Variants in PLD5 observed in about 807,000 individuals in gnomAD.
The protein encoded by PLD5 is inactive phospholipase D5.
A neutral mutation model predicts 61.1 loss-of-function variants in PLD5; 36 were observed. That is an observed-to-expected ratio of 0.59 (90% CI 0.45 to 0.78). The LOEUF (loss-of-function observed/expected upper bound fraction) is 0.78, where lower values mean the gene tolerates loss of function less well. Ranked by LOEUF, PLD5 falls within the 30% of genes least tolerant of loss-of-function variation. The pLI, the probability that PLD5 is intolerant of heterozygous loss-of-function variation, is 0.00. For synonymous variants in PLD5, 243 were observed against 242.8 expected (o/e 1.00, Z -0.01); for missense variants, 515 against 644.4 (o/e 0.80, Z 2.17).
chr1:242,146,644 T>C (rs762356463), intron 5 of PLD5, among the ~76,000 whole-genome samples: 4 of 152,170 alleles, frequency 2.6e-5, no homozygotes, highest in Non-Finnish European at 5.9e-5. Context: ...GTTATTTTTA[T>C]GACTCAGAAA....
chr1:242,510,714 A>G (rs1572269135), intron 1 of PLD5, among the ~76,000 whole-genome samples: 1 of 151,844 alleles, frequency 6.6e-6, no homozygotes, highest in Non-Finnish European at 1.5e-5. Context: ...GCGGGGTGGC[A>G]GGCGCCTGTA....
At chr1:242,106,208 A>T (rs1021897592) in intron 8 of PLD5, among the ~76,000 whole-genome samples, 5 of 152,140 alleles carry the variant, frequency 3.3e-5, no homozygotes, top group South Asian at 2.1e-4. Flanking sequence ...GGTAACATTA[A>T]CCTGATGTTA....
At chr1:242,302,953 TG>T (rs1676146488) in intron 2 of PLD5, among the ~76,000 whole-genome samples, 1 of 152,132 alleles carries the variant, frequency 6.6e-6, no homozygotes, top group Non-Finnish European at 1.5e-5. Context: ...AGTCTGGACA[TG>T]GGTTGGGATT....
At chr1:242,386,302 G>A (rs1662598539) in intron 1 of PLD5, among the ~76,000 whole-genome samples, 1 of 152,122 alleles carries the variant, frequency 6.6e-6, no homozygotes, top group South Asian at 2.1e-4. Flanking sequence ...TTACCTTAGA[G>A]GTGACTTGCT....
rs189856985 is a variant in PLD5, at chr1:242,324,439, C to T, written c.326+23667G>A. On this transcript the variant is annotated intron_variant, in intron 2 of 9. Coordinates refer to ENST00000536534, the MANE Select transcript of PLD5 (RefSeq NM_001372062.1). Reference sequence around the variant, plus strand: ...ATCACCTTTGCAAAAATTGTGACAGCGAAAGAAATATGACCTAACCGACTC... The same window carrying T: ...ATCACCTTTGCAAAAATTGTGACAGTGAAAGAAATATGACCTAACCGACTC... Among the ~76,000 whole-genome samples, 1,042 of 152,238 alleles carry T rather than the reference C, an allele frequency of 6.8e-3. 7 individuals carry two copies. Among genetic ancestry groups the T allele is most frequent in the Non-Finnish European group, 0.011 (726 of 68,018 alleles).
chr1:242,104,736 G>A (rs1390045871), intron 8 of PLD5, among the ~76,000 whole-genome samples: 1 of 152,160 alleles, frequency 6.6e-6, no homozygotes, highest in Non-Finnish European at 1.5e-5. Context: ...GCCCAGGCAG[G>A]TCTTGAACTT....
chr1:242,199,652 C>G (rs1346680104), intron 5 of PLD5, among the ~76,000 whole-genome samples: 1 of 152,290 alleles, frequency 6.6e-6, no homozygotes, highest in East Asian at 1.9e-4. Flanking sequence ...ACCCACCAAA[C>G]AACTACCCAC....
intron 1 of PLD5, among the ~76,000 whole-genome samples, chr1:242,395,063 ATATATATGAATATATATG>A (rs1379080762): frequency 4.2e-5 from 2 of 48,044 alleles, no homozygotes; most frequent in Admixed American, 5.6e-4. Context: ...ATATATATGT[ATATATATGAATATATATG>A]TATATATATG....
At chr1:242,408,282 G>C (rs1217756231) in intron 1 of PLD5, among the ~76,000 whole-genome samples, 3 of 152,208 alleles carry the variant, frequency 2.0e-5, no homozygotes, top group Non-Finnish European at 4.4e-5. Context: ...GATTTTCCTG[G>C]CAGAGAAAGG....
At chr1:242,135,779 C>A (rs1246818013) in intron 5 of PLD5, among the ~76,000 whole-genome samples, 3 of 152,162 alleles carry the variant, frequency 2.0e-5, no homozygotes, top group Admixed American at 1.3e-4. Flanking sequence ...CTCTCACTCT[C>A]CCAGGGTTTC....
intron 7 of PLD5, among the ~76,000 whole-genome samples, chr1:242,112,483 G>A (rs183278773): frequency 2.0e-5 from 3 of 152,122 alleles, no homozygotes; most frequent in African/African-American, 4.8e-5. Flanking sequence ...ACAGGCGTGC[G>A]CCACCACACC....
chr1:242,472,096 A>T (rs1032428497), intron 1 of PLD5, among the ~76,000 whole-genome samples: 2 of 152,200 alleles, frequency 1.3e-5, no homozygotes, highest in Non-Finnish European at 1.5e-5. Flanking sequence ...AAAACTGTGG[A>T]AAAAGAAAGC....
At chr1:242,118,186 G>A (rs1341765106) in intron 6 of PLD5, among the ~76,000 whole-genome samples, 2 of 152,158 alleles carry the variant, frequency 1.3e-5, no homozygotes, top group African/African-American at 4.8e-5. Flanking sequence ...TTAGAACCTG[G>A]GGCATCTTGG....
chr1:242,176,603 A>G (rs768466708), intron 5 of PLD5, among the ~76,000 whole-genome samples: 3 of 152,226 alleles, frequency 2.0e-5, no homozygotes, highest in African/African-American at 7.2e-5. Context: ...ATTACACTAA[A>G]GAGCTTCTGC....
chr1:242,365,237 G>T (rs1174602432), intron 1 of PLD5: 2 of 152,312 alleles, frequency 1.3e-5, no homozygotes, highest in African/African-American at 4.8e-5. Flanking sequence ...GGTGCAGGAA[G>T]GCCCTGCATG....
intron 3 of PLD5, among the ~76,000 whole-genome samples, chr1:242,279,007 A>T (rs1030208546): frequency 6.6e-5 from 10 of 152,226 alleles, no homozygotes; most frequent in African/African-American, 2.4e-4. Flanking sequence ...GAAAAGGCTG[A>T]AGGTAATCTA....
At chr1:242,500,622 G>C (rs776942811) in intron 1 of PLD5, among the ~76,000 whole-genome samples, 1 of 152,166 alleles carries the variant, frequency 6.6e-6, no homozygotes, top group Non-Finnish European at 1.5e-5. Flanking sequence ...ACTACAGCAG[G>C]GCTTTGATGT....
chr1:242,266,971 G>T (rs1673716109), intron 3 of PLD5, among the ~76,000 whole-genome samples: 1 of 152,072 alleles, frequency 6.6e-6, no homozygotes, highest in South Asian at 2.1e-4. Flanking sequence ...ACAAAAATCA[G>T]CTGGGCATGG....
At chr1:242,196,277 G>C (rs1408815735) in intron 5 of PLD5, among the ~76,000 whole-genome samples, 1 of 152,240 alleles carries the variant, frequency 6.6e-6, no homozygotes, top group Non-Finnish European at 1.5e-5. Context: ...AGGAATTCCT[G>C]TGGAATCTTG....
Sources: allele counts gnomAD v4.1 joint callset (sites outside exome capture counted in the v4.1 genomes callset), GRCh38; gene constraint gnomAD v4.1.1; transcripts MANE v1.5; gene names NCBI Gene and HGNC (gene_info 2026-07-23, HGNC 2026-07-21).